Variants in ADK observed in about 807,000 individuals in gnomAD.
ADK encodes the protein N6,N6-dimethyladenosine kinase.
ADK carries 24 observed loss-of-function variants against 44.7 expected under a neutral mutation model. The observed-to-expected ratio is 0.54, with a 90% confidence interval of 0.39 to 0.76. The LOEUF (loss-of-function observed/expected upper bound fraction) is 0.76. Among genes scored for constraint, ADK ranks in the 30% least tolerant of loss-of-function variants. The pLI is 0.00. For synonymous variants in ADK, 128 were observed against 142.6 expected (o/e 0.90, Z 0.73); for missense variants, 321 against 425.1 (o/e 0.76, Z 2.15).
chr10:74,398,492 T>G lies in ADK; in HGVS notation c.468T>G (p.Ala156=). ...GDNRSLIANL[A]AANCYKKEKH... ...TTAGGTCCCTCATAGCTAATCTTGC[T>G]GCTGCCAATTGTTATAAAAAGGAAA... Residue 156 remains alanine, a synonymous_variant, in exon 6 of 11, where the codon GCT becomes GCG. Transcript: ENST00000539909. The G allele has an allele frequency of 6.2e-7, 1 of 1,611,548 alleles. No individual in the cohort carries two copies. Among genetic ancestry groups the G allele is most frequent in the Non-Finnish European group, 8.5e-7 (1 of 1,178,276 alleles).
intron 4 of ADK, chr10:74,372,480 TAAAA>T: frequency 3.2e-6 from 1 of 309,040 alleles, no homozygotes; most frequent in Non-Finnish European, 6.2e-6. Context: ...AATGTCAGTT[TAAAA>T]AAAAAAAAGT....
intron 7 of ADK, among the ~76,000 whole-genome samples, chr10:74,555,021 G>A (rs1383011004): frequency 6.6e-6 from 1 of 152,092 alleles, no homozygotes; most frequent in Non-Finnish European, 1.5e-5. Flanking sequence ...GTTAGGCTGG[G>A]CACGGTGGCT....
At chr10:74,559,149 G>C (rs977533074) in intron 7 of ADK, among the ~76,000 whole-genome samples, 9 of 152,196 alleles carry the variant, frequency 5.9e-5, no homozygotes, top group East Asian at 5.8e-4. Context: ...GGGGCCTGCA[G>C]TTGCCACCCT....
chr10:74,182,445 T>C (rs770876185), intron 1 of ADK, among the ~76,000 whole-genome samples: 1 of 152,076 alleles, frequency 6.6e-6, no homozygotes, highest in Non-Finnish European at 1.5e-5. Context: ...ATCTGCTCAC[T>C]GCAACCTCCG....
At chr10:74,279,186 G>A (rs548585335) in intron 3 of ADK, among the ~76,000 whole-genome samples, 31 of 152,066 alleles carry the variant, frequency 2.0e-4, no homozygotes, top group Non-Finnish European at 3.5e-4. Flanking sequence ...GGCTGAGGCA[G>A]GGAGATTTGC....
chr10:74,518,013 CAT>C (rs1411797668), intron 6 of ADK, among the ~76,000 whole-genome samples: 1 of 152,276 alleles, frequency 6.6e-6, no homozygotes, highest in African/African-American at 2.4e-5. Context: ...TGTTGTAACT[CAT>C]ATTTGATCGA....
intron 7 of ADK, chr10:74,528,129 G>A (rs568593563): frequency 3.3e-5 from 35 of 1,060,750 alleles, no homozygotes; most frequent in Non-Finnish European, 4.9e-5. Context: ...TGTCATGATC[G>A]AACAAACCTG....
chr10:74,177,311 C>T (rs1842379123), intron 1 of ADK, among the ~76,000 whole-genome samples: 1 of 152,134 alleles, frequency 6.6e-6, no homozygotes, highest in South Asian at 2.1e-4. Context: ...GCAAAGTTGG[C>T]CCTTCTCTGA....
intron 6 of ADK, among the ~76,000 whole-genome samples, chr10:74,420,231 A>C (rs1844512158): frequency 6.6e-6 from 1 of 152,140 alleles, no homozygotes; most frequent in Non-Finnish European, 1.5e-5. Flanking sequence ...ATAAAATGGA[A>C]ACTTTCGTAC....
intron 3 of ADK, among the ~76,000 whole-genome samples, chr10:74,287,191 G>C (rs1460059533): frequency 6.6e-6 from 1 of 152,136 alleles, no homozygotes; most frequent in African/African-American, 2.4e-5. Context: ...TTGGCCGGGC[G>C]CAGTGGCTCA....
intron 9 of ADK, among the ~76,000 whole-genome samples, chr10:74,611,026 T>G (rs1852520211): frequency 6.6e-6 from 1 of 151,948 alleles, no homozygotes; most frequent in South Asian, 2.1e-4. Context: ...AACTGTAGAT[T>G]TTTCTGTTTC....
At chr10:74,271,919 G>GT (rs1846447410) in intron 3 of ADK, among the ~76,000 whole-genome samples, 1 of 151,928 alleles carries the variant, frequency 6.6e-6, no homozygotes, top group Admixed American at 6.6e-5. Context: ...TAAATACTTA[G>GT]TTTTTTTCTG....
intron 3 of ADK, among the ~76,000 whole-genome samples, chr10:74,226,423 A>G (rs1030596383): frequency 5.9e-5 from 9 of 152,094 alleles, no homozygotes; most frequent in Non-Finnish European, 1.2e-4. Context: ...ACATTTTATT[A>G]CGAAAAGTTT....
chr10:74,440,105 C>CCT (rs1845346010), intron 6 of ADK, among the ~76,000 whole-genome samples: 1 of 151,988 alleles, frequency 6.6e-6, no homozygotes, highest in African/African-American at 2.4e-5. Context: ...CCTCTCTAAG[C>CCT]TAAGGCATTT....
At chr10:74,645,060 T>C (rs188171861) in intron 9 of ADK, among the ~76,000 whole-genome samples, 28 of 152,330 alleles carry the variant, frequency 1.8e-4, no homozygotes, top group Admixed American at 1.4e-3. Context: ...AGCACTAAGT[T>C]TTCTGTATCA....
intron 6 of ADK, among the ~76,000 whole-genome samples, chr10:74,421,354 C>T (rs1844548745): frequency 6.6e-6 from 1 of 152,104 alleles, no homozygotes; most frequent in Non-Finnish European, 1.5e-5. Context: ...CTAGGTTTCT[C>T]ACTGTCAGGA....
In ADK at chr10:74,598,439, TCC is replaced by T. The variant is rs1491145722; in HGVS notation, c.763-1939_763-1938del. ...GTAGAAAGCAACCATGGAATCTTATTCCTTTTTTTTTTTTTTTTTTTTTTTTT... is the reference window on the plus strand; with the variant it reads ...GTAGAAAGCAACCATGGAATCTTATTTTTTTTTTTTTTTTTTTTTTTTTTT... On this transcript the variant is annotated intron_variant, in intron 8 of 10. Transcript: ENST00000539909. Among the ~76,000 whole-genome samples, 18 of 140,842 alleles carry T rather than the reference TCC, an allele frequency of 1.3e-4. 1 individual carries two copies. The highest frequency in any genetic ancestry group is 2.8e-4 in the Admixed American group (4 of 14,422). 92.4% of individuals were successfully genotyped at this position (140,842 alleles called of 152,430 possible).
At chr10:74,426,141 T>A (rs1472249246) in intron 6 of ADK, among the ~76,000 whole-genome samples, 1 of 152,192 alleles carries the variant, frequency 6.6e-6, no homozygotes, top group Non-Finnish European at 1.5e-5. Context: ...TATCTACTAT[T>A]TCAGTATATG....
intron 8 of ADK, among the ~76,000 whole-genome samples, chr10:74,591,270 C>T (rs1851706966): frequency 6.6e-6 from 1 of 152,046 alleles, no homozygotes; most frequent in South Asian, 2.1e-4. Context: ...CATAAATCTG[C>T]CATAATTGAT....
Sources: gnomAD v4.1 joint callset for allele counts (sites outside exome capture counted in the v4.1 genomes callset) on GRCh38, gnomAD v4.1.1 for gene constraint, MANE v1.5 for transcripts, NCBI Gene and HGNC (gene_info 2026-07-23, HGNC 2026-07-21) for gene names.